Variants in NAV2 observed in about 807,000 individuals in gnomAD.
The protein encoded by NAV2 is neuron navigator 2.
Under a neutral mutation model 223.2 loss-of-function variants are expected in NAV2, and 54 were observed. That is an observed-to-expected ratio of 0.24 (90% CI 0.19 to 0.30). The LOEUF (loss-of-function observed/expected upper bound fraction) is 0.30, where lower values mean the gene tolerates loss of function less well. Ranked by LOEUF, NAV2 falls within the 10% of genes least tolerant of loss-of-function variation. The pLI is 1.00. For synonymous variants in NAV2, 1,279 were observed against 1,239.3 expected (o/e 1.03, Z -0.67); for missense variants, 2,806 against 3,147.5 (o/e 0.89, Z 2.60).
intron 22 of NAV2, among the ~76,000 whole-genome samples, chr11:20,070,590 C>T (rs2059338528): frequency 6.6e-6 from 1 of 152,156 alleles, no homozygotes; most frequent in Admixed American, 6.5e-5. Context: ...TTTAGTCTTA[C>T]CGCACACTGC....
chr11:19,887,834 C>T (rs2153117533), intron 5 of NAV2, among the ~76,000 whole-genome samples: 1 of 152,184 alleles, frequency 6.6e-6, no homozygotes, highest in East Asian at 1.9e-4. Flanking sequence ...CAAAAAGCAT[C>T]TCTGATTATG....
intron 1 of NAV2, among the ~76,000 whole-genome samples, chr11:19,624,798 C>T (rs1404219104): frequency 6.6e-6 from 1 of 152,226 alleles, no homozygotes; most frequent in East Asian, 1.9e-4. Context: ...GTGAGATGAA[C>T]CCGGTACCTC....
intron 31 of NAV2, among the ~76,000 whole-genome samples, chr11:20,099,871 C>G (rs748795695): frequency 6.6e-6 from 1 of 152,150 alleles, no homozygotes; most frequent in African/African-American, 2.4e-5. Flanking sequence ...AGACCCTACA[C>G]TCCATACTTT....
chr11:19,701,141 C>T (rs2049501061), intron 1 of NAV2, among the ~76,000 whole-genome samples: 1 of 152,106 alleles, frequency 6.6e-6, no homozygotes, highest in Admixed American at 6.5e-5. Flanking sequence ...CAGATCCAGC[C>T]TCCGTGTTCC....
At chr11:19,366,377 G>A (rs1848280055) in intron 1 of NAV2, among the ~76,000 whole-genome samples, 1 of 152,222 alleles carries the variant, frequency 6.6e-6, no homozygotes, top group South Asian at 2.1e-4. Flanking sequence ...TCACCTGTAG[G>A]AGAGCCAGGG....
chr11:19,868,403 G>A (rs2062235162), intron 3 of NAV2, among the ~76,000 whole-genome samples: 1 of 152,184 alleles, frequency 6.6e-6, no homozygotes, highest in Non-Finnish European at 1.5e-5. Flanking sequence ...GCCACAGAAA[G>A]CACAAAGGAC....
At chr11:19,529,243 T>C (rs576425394) in intron 1 of NAV2, among the ~76,000 whole-genome samples, 1 of 152,354 alleles carries the variant, frequency 6.6e-6, no homozygotes, top group African/African-American at 2.4e-5. Flanking sequence ...GGAGCTGAAG[T>C]TACTGAGTTA....
chr11:19,778,336 C>T (rs1156344824), intron 1 of NAV2: 7 of 455,582 alleles, frequency 1.5e-5, no homozygotes, highest in East Asian at 7.0e-5. Flanking sequence ...GTTTCCTTCT[C>T]GGTAAAATGG....
intron 1 of NAV2, among the ~76,000 whole-genome samples, chr11:19,459,743 G>C (rs182646471): frequency 5.3e-5 from 8 of 152,268 alleles, no homozygotes; most frequent in African/African-American, 1.9e-4. Flanking sequence ...AAGATGCATT[G>C]GGTATAAATA....
At chr11:19,657,399 G>C (rs957228665) in intron 1 of NAV2, among the ~76,000 whole-genome samples, 2 of 152,178 alleles carry the variant, frequency 1.3e-5, no homozygotes, top group East Asian at 3.8e-4. Flanking sequence ...GGTTCAGAGA[G>C]GGTAGGCATT....
At chr11:20,022,480 A>G (rs1364365153) in intron 11 of NAV2, 1 of 905,736 alleles carries the variant, frequency 1.1e-6, no homozygotes, top group Non-Finnish European at 1.3e-6. Flanking sequence ...CACCGGAAAT[A>G]ATGTATGTGT....
At chr11:19,427,694 G>T (rs1850885919) in intron 1 of NAV2, among the ~76,000 whole-genome samples, 2 of 151,918 alleles carry the variant, frequency 1.3e-5, no homozygotes, top group Admixed American at 6.6e-5. Flanking sequence ...GAAGATTTAG[G>T]GTATTTACCA....
At chr11:19,526,750 C>T (rs1040163913) in intron 1 of NAV2, among the ~76,000 whole-genome samples, 1 of 152,286 alleles carries the variant, frequency 6.6e-6, no homozygotes, top group Non-Finnish European at 1.5e-5. Context: ...CCACCACTGG[C>T]TTGGCAACCC....
chr11:19,777,069 G>A lies in NAV2; in HGVS notation c.268-55415G>A, dbSNP rs546943023. On this transcript the variant is annotated intron_variant, in intron 1 of 37. Transcript: ENST00000349880. ...CGGGGCGGCCCGCGGGCCAGCTAGG[G>A]GGCGGGGAACTCACCAGCCGCCGAC... 5.8e-4 allele frequency among the ~76,000 whole-genome samples: 88 copies of A among 151,056 alleles called. 2 individuals carry two copies. In the South Asian group the frequency reaches 0.018, roughly 31 times the overall value.
chr11:20,050,716 C>G (rs2057916454), intron 16 of NAV2, among the ~76,000 whole-genome samples: 1 of 152,170 alleles, frequency 6.6e-6, no homozygotes, highest in Non-Finnish European at 1.5e-5. Context: ...CATGCCCCAC[C>G]CAGGACTCAG....
intron 6 of NAV2, among the ~76,000 whole-genome samples, chr11:19,894,082 A>C (rs1037675238): frequency 2.6e-5 from 4 of 152,212 alleles, no homozygotes; most frequent in African/African-American, 9.6e-5. Flanking sequence ...TTGTGTTTTT[A>C]CATTGATGTG....
chr11:19,892,334 G>A, intron 5 of NAV2, 100 bp from the exon 6 acceptor site: 9 of 1,159,364 alleles, frequency 7.8e-6, no homozygotes, highest in Non-Finnish European at 9.7e-6. Context: ...CAATGTCTTG[G>A]ATAGTTTCTT....
At position 19,887,682 on chromosome 11, in the gene NAV2, G is replaced by T. The variant is rs115213244; in HGVS notation, c.771-4752G>T. Among the ~76,000 whole-genome samples the T allele has an allele frequency of 6.4e-3, 977 of 152,246 alleles. 7 individuals are homozygous for T. The highest frequency in any genetic ancestry group is 0.023 in the African/African-American group (938 of 41,532). Reference sequence around the variant, plus strand: ...AAGGCAACCAGGCTGCCTCTAGAAAGTCCCACAGAATTGATCTGTATGCAA... The same window carrying T: ...AAGGCAACCAGGCTGCCTCTAGAAATTCCCACAGAATTGATCTGTATGCAA... On this transcript the variant is annotated intron_variant, in intron 5 of 37. Transcript: ENST00000349880.
rs141441142 is a variant in NAV2 at position 19,655,843 on chromosome 11, G to A, written c.76-176641G>A. 1.7e-3 allele frequency among the ~76,000 whole-genome samples: 258 copies of A among 152,100 alleles called. 1 individual carries two copies. Among genetic ancestry groups the A allele is most frequent in the African/African-American group, 6.1e-3 (252 of 41,486 alleles). On this transcript the variant is annotated intron_variant, in intron 1 of 37. Coordinates refer to the NAV2 transcript ENST00000360655. The stretch of plus-strand genomic sequence containing the variant: ...ACCAACATGGCACATGCATACATAT[G>A]TAACAAACCTGCACGTTGTGCACAT...
Sources: gnomAD v4.1 joint callset for allele counts (sites outside exome capture counted in the v4.1 genomes callset) on GRCh38, gnomAD v4.1.1 for gene constraint, MANE v1.5 for transcripts, NCBI Gene and HGNC (gene_info 2026-07-23, HGNC 2026-07-21) for gene names.